Variants in XKR8 observed in about 807,000 individuals in gnomAD.
XKR8 encodes XK related 8.
In XKR8, 10 loss-of-function variants were observed where a neutral mutation model predicts 17.1. The ratio of observed to expected loss-of-function variants is 0.59; its 90% CI spans 0.36 to 0.99. The LOEUF (loss-of-function observed/expected upper bound fraction) is 0.99. Ranked by LOEUF, XKR8 falls within the 50% of genes least tolerant of loss-of-function variation. XKR8 has a pLI of 0.01. For missense variants in XKR8, 411 were observed against 515.6 expected (o/e 0.80, Z 1.96); for synonymous variants, 213 against 251.9 (o/e 0.85, Z 1.46).
In XKR8 at chr1:27,963,516, C is replaced by T. The variant is rs200757267; in HGVS notation, c.313C>T (p.Gln105Ter). Residue 105 changes from glutamine to a stop codon, truncating the protein, a stop_gained, in exon 2 of 3, where the codon CAG becomes TAG. Coordinates refer to ENST00000373884, the MANE Select transcript of XKR8 (RefSeq NM_018053.4). LOFTEE classifies it high-confidence loss of function. ...GCCTAGGTGCGTGCAGGAGCTGCGGCAGGGGCTGCTGGTGTGGCAGCAGGA... is the reference window on the plus strand; with the variant it reads ...GCCTAGGTGCGTGCAGGAGCTGCGGTAGGGGCTGCTGGTGTGGCAGCAGGA... ...YLYRCVQELR[Q>*]GLLVWQQEEP... The T allele has an allele frequency of 6.8e-6, 11 of 1,612,080 alleles. No individual in the cohort carries two copies. The African/African-American group carries it at 9.3e-5, about 14-fold the overall frequency.
At position 27,966,581 on chromosome 1, in the gene XKR8, C is replaced by T. The variant is rs1336991742; in HGVS notation, c.569C>T (p.Pro190Leu). The T allele has an allele frequency of 1.2e-6, 2 of 1,614,174 alleles. No individual in the cohort carries two copies. Among genetic ancestry groups the T allele is most frequent in the Middle Eastern group, 1.6e-4 (1 of 6,062 alleles). ...DYHRALRTCL[P>L]SKPLLGLGSS... ...CACCGGGCCTTGCGCACCTGCCTCC[C>T]CTCCAAGCCGCTCCTGGGCCTGGGC... Residue 190 changes from proline (P) to leucine (L), a missense_variant, in exon 3 of 3, where the codon CCC (proline) becomes CTC (leucine). By Grantham distance (98) the Pro-to-Leu change is moderately conservative (BLOSUM62 -3). Coordinates refer to ENST00000373884, the MANE Select transcript of XKR8 (RefSeq NM_018053.4). This position sits in a 1 kb window ranked among gnomAD's most constrained non-coding sequence, Gnocchi z 4.3.
intron 1 of XKR8, among the ~76,000 whole-genome samples, chr1:27,961,643 A>G (rs542246182): frequency 2.1e-4 from 32 of 152,314 alleles, no homozygotes; most frequent in African/African-American, 7.2e-4. Context: ...GGCTTTGGAA[A>G]TGGGTCTCTG....
chr1:27,960,008 C>G lies in XKR8; in HGVS notation c.-62C>G. ...CCCACCTCCTTCCTGCCTCGGCAAC[C>G]CCGGGCCCTGAGGGCAGGCCCCAAC... On this transcript the variant is annotated 5_prime_UTR_variant, in exon 1 of 3. Transcript: ENST00000373884. This position sits in a 1 kb window ranked among gnomAD's most constrained non-coding sequence, Gnocchi z 5.9. 7.5e-7 allele frequency: 1 copy of G among 1,342,008 alleles called. No homozygotes were observed. Among genetic ancestry groups the G allele is most frequent in the Non-Finnish European group, 9.5e-7 (1 of 1,047,684 alleles). 83.1% of individuals were successfully genotyped at this position (1,342,008 alleles called of 1,614,324 possible).
In XKR8 at chr1:27,966,419, G is replaced by A; in HGVS notation, c.491-84G>A. ...CTAATACCTACCCCAGGGTTGCTGG[G>A]AGGGCCCCCACGGTACCTGTGACCG... On this transcript the variant is annotated intron_variant, in intron 2 of 2. Coordinates refer to ENST00000373884, the MANE Select transcript of XKR8 (RefSeq NM_018053.4). This position sits in a 1 kb window ranked among gnomAD's most constrained non-coding sequence, Gnocchi z 4.3. The A allele has an allele frequency of 2.2e-6, 3 of 1,374,352 alleles. No homozygotes were observed. The highest frequency in any genetic ancestry group is 1.9e-4 in the Middle Eastern group (1 of 5,354). The allele number at this position is 1,374,352 out of a possible 1,614,324, so 85.1% of individuals were successfully genotyped here. A position where few individuals can be genotyped will look rare whatever the true frequency, so the allele number is the denominator to read the frequency against.
chr1:27,967,041 T>C lies in XKR8; in HGVS notation c.1029T>C (p.Pro343=), dbSNP rs771703559. Residue 343 remains proline, a synonymous_variant, in exon 3 of 3, where the codon CCT becomes CCC. Transcript: ENST00000373884. The surrounding 1 kb of genome is among the most constrained non-coding windows in gnomAD (Gnocchi z 4.3). ...LRLVYYHWLH[P]SCCWKPDPDQ... ...TTGTGTACTACCACTGGCTGCACCC[T>C]AGCTGCTGCTGGAAGCCCGACCCTG... 38 of 1,613,946 alleles carry C rather than the reference T, an allele frequency of 2.4e-5. No homozygotes were observed. In the Admixed American group the frequency reaches 5.0e-4, roughly 21 times the overall value.
intron 2 of XKR8, among the ~76,000 whole-genome samples, chr1:27,964,668 G>A (rs1462934543): frequency 6.6e-6 from 1 of 152,174 alleles, no homozygotes; most frequent in Non-Finnish European, 1.5e-5. Flanking sequence ...GGAAAAGGGA[G>A]AGGCAGGGAG....
rs1378118725 is a variant in XKR8, at chr1:27,966,277, A to T, written c.491-226A>T. Among the ~76,000 whole-genome samples, 1 of 152,160 alleles carries T rather than the reference A, an allele frequency of 6.6e-6. No homozygotes were observed. The highest frequency in any genetic ancestry group is 1.5e-5 in the Non-Finnish European group (1 of 68,028). Reference sequence around the variant, plus strand: ...AATACCACCCGGATAGCACCTACGCAGCAAAGCGCTGTGGTGAGGGGCAGG... The same window carrying T: ...AATACCACCCGGATAGCACCTACGCTGCAAAGCGCTGTGGTGAGGGGCAGG... On this transcript the variant is annotated intron_variant, in intron 2 of 2. Coordinates refer to ENST00000373884, the MANE Select transcript of XKR8 (RefSeq NM_018053.4). The surrounding 1 kb of genome is among the most constrained non-coding windows in gnomAD (Gnocchi z 4.3).
chr1:27,966,994 T>C lies in XKR8; in HGVS notation c.982T>C (p.Phe328Leu), dbSNP rs1638588501. 1.9e-6 allele frequency: 3 copies of C among 1,614,172 alleles called. No individual in the cohort carries two copies. The South Asian group carries it at 3.3e-5, about 18-fold the overall frequency. Reference sequence around the variant, plus strand: ...GCTGCCTGTGGGATGCGGCTGCTTCTTTCTGGGCCTGGCTCTGCGGCTTGT... The same window carrying C: ...GCTGCCTGTGGGATGCGGCTGCTTCCTTCTGGGCCTGGCTCTGCGGCTTGT... ...LWLPVGCGCFFLGLALRLVYY... is the reference protein window; with the variant it reads ...LWLPVGCGCFLLGLALRLVYY... Residue 328 changes from phenylalanine to leucine, a missense_variant, in exon 3 of 3, where the codon TTT becomes CTT. By Grantham distance (22) the Phe-to-Leu change is conservative. Transcript: ENST00000373884. The surrounding 1 kb of genome is among the most constrained non-coding windows in gnomAD (Gnocchi z 4.3).
chr1:27,960,029 C>G lies in XKR8; in HGVS notation c.-41C>G. On this transcript the variant is annotated 5_prime_UTR_variant, in exon 1 of 3. Transcript: ENST00000373884. The surrounding 1 kb of genome is among the most constrained non-coding windows in gnomAD (Gnocchi z 5.9). Reference sequence around the variant, plus strand: ...CAACCCCGGGCCCTGAGGGCAGGCCCCAACCGCGGAGGAGCAGGAGAGGGC... The same window carrying G: ...CAACCCCGGGCCCTGAGGGCAGGCCGCAACCGCGGAGGAGCAGGAGAGGGC... 2 of 1,377,504 alleles carry G rather than the reference C, an allele frequency of 1.5e-6. No homozygotes were observed. Among genetic ancestry groups the G allele is most frequent in the Non-Finnish European group, 1.9e-6 (2 of 1,070,840 alleles). The allele number at this position is 1,377,504 out of a possible 1,614,324, so 85.3% of individuals were successfully genotyped here. A position where few individuals can be genotyped will look rare whatever the true frequency, so the allele number is the denominator to read the frequency against.
intron 1 of XKR8, among the ~76,000 whole-genome samples, chr1:27,962,875 G>A (rs1435858395): frequency 2.0e-5 from 3 of 152,342 alleles, no homozygotes; most frequent in South Asian, 2.1e-4. Flanking sequence ...TTACAGGCGC[G>A]AGCCACTGCA....
At position 27,960,411 on chromosome 1, in the gene XKR8, C is replaced by T; in HGVS notation, c.293+49C>T. 2 of 1,350,022 alleles carry T rather than the reference C, an allele frequency of 1.5e-6. No homozygotes were observed. Among genetic ancestry groups the T allele is most frequent in the African/African-American group, 1.5e-5 (1 of 65,078 alleles). 83.6% of individuals were successfully genotyped at this position (1,350,022 alleles called of 1,614,324 possible). A position where few individuals can be genotyped will look rare whatever the true frequency, so the allele number is the denominator to read the frequency against. On this transcript the variant is annotated intron_variant, in intron 1 of 2. Transcript: ENST00000373884. The surrounding 1 kb of genome is among the most constrained non-coding windows in gnomAD (Gnocchi z 5.9). ...GAGGAGTGTCGGAGCCCAGCACCTC[C>T]GTCAGCTGGGTCACCTGTACAGGTG... is the stretch of plus-strand genomic sequence containing the variant.
chr1:27,964,160 C>CTTTTT (rs71027257), intron 2 of XKR8: 5 of 93,208 alleles, frequency 5.4e-5, no homozygotes, highest in African/African-American at 1.5e-4. Context: ...ATTTTTCTTT[C>CTTTTT]TTTTTTTTTT....
rs1198837514 is a variant in XKR8, at chr1:27,965,431, TTAC to T, written c.491-1070_491-1068del. Among the ~76,000 whole-genome samples the T allele has an allele frequency of 6.6e-6, 1 of 152,086 alleles. No homozygotes were observed. The highest frequency in any genetic ancestry group is 6.5e-5 in the Admixed American group (1 of 15,274). On this transcript the variant is annotated intron_variant, in intron 2 of 2. Transcript: ENST00000373884. The surrounding 1 kb of genome is among the most constrained non-coding windows in gnomAD (Gnocchi z 4.1). Reference sequence around the variant, plus strand: ...AGCCCAGAGATAAGGAAATAGATAATTACTGTGTGATGAGACTCCAGACAGAGG... The same window carrying T: ...AGCCCAGAGATAAGGAAATAGATAATTGTGTGATGAGACTCCAGACAGAGG...
In XKR8 at chr1:27,967,344, C is replaced by A; in HGVS notation, c.*144C>A. 1.1e-6 allele frequency: 1 copy of A among 938,006 alleles called. No homozygotes were observed. Among genetic ancestry groups the A allele is most frequent in the Non-Finnish European group, 1.5e-6 (1 of 653,550 alleles). The allele number at this position is 938,006 out of a possible 1,614,324, so 58.1% of individuals were successfully genotyped here. ...CAAGAGCGGGACGCCTGTGCTGGGC[C>A]GGGCACCAGGGATGGTGCTGAGTCG... On this transcript the variant is annotated 3_prime_UTR_variant, in exon 3 of 3. Transcript: ENST00000373884. The surrounding 1 kb of genome is among the most constrained non-coding windows in gnomAD (Gnocchi z 4.3).
rs1475202644 is a variant in XKR8, at chr1:27,965,133, C to T, written c.491-1370C>T. ...CCCTGTAGGTTTGTGCTATATTGAT[C>T]TTCATTTTTAAAGAGGTGCAGAAAG... On this transcript the variant is annotated intron_variant, in intron 2 of 2. Coordinates refer to ENST00000373884, the MANE Select transcript of XKR8 (RefSeq NM_018053.4). This position sits in a 1 kb window ranked among gnomAD's most constrained non-coding sequence, Gnocchi z 4.1. Among the ~76,000 whole-genome samples the T allele has an allele frequency of 6.6e-6, 1 of 152,072 alleles. No individual in the cohort carries two copies. The highest frequency in any genetic ancestry group is 1.5e-5 in the Non-Finnish European group (1 of 68,016).
In XKR8 at chr1:27,960,246, G is replaced by T. The variant is rs755011867; in HGVS notation, c.177G>T (p.Ala59=). The T allele has an allele frequency of 3.1e-5, 47 of 1,525,100 alleles. No homozygotes were observed. Among genetic ancestry groups the T allele is most frequent in the Non-Finnish European group, 2.1e-5 (24 of 1,143,128 alleles). The allele number at this position is 1,525,100 out of a possible 1,614,324, so 94.5% of individuals were successfully genotyped here. ...CGCTGCTGGGCCTGGCCTCCGTGGCGCTGCAGCTCTTCAGCTGGCTCTGGC... is the reference window on the plus strand; with the variant it reads ...CGCTGCTGGGCCTGGCCTCCGTGGCTCTGCAGCTCTTCAGCTGGCTCTGGC... ...VLALLGLASV[A]LQLFSWLWLR... The change falls in exon 1 of 3, where the codon GCG becomes GCT. Residue 59 remains alanine (A), a synonymous_variant. Coordinates refer to ENST00000373884, the MANE Select transcript of XKR8 (RefSeq NM_018053.4). This position sits in a 1 kb window ranked among gnomAD's most constrained non-coding sequence, Gnocchi z 5.9.
rs557523420 is a variant in XKR8, at chr1:27,965,368, G to T, written c.491-1135G>T. Among the ~76,000 whole-genome samples the T allele has an allele frequency of 3.3e-5, 5 of 152,258 alleles. No individual in the cohort carries two copies. The highest frequency in any genetic ancestry group is 6.5e-5 in the Admixed American group (1 of 15,302). ...TGTGCCAGGTACTGGGCTGCTGGGG[G>T]ATCCCAAGTGAGCAGAGTCTGTTTT... is the stretch of plus-strand genomic sequence containing the variant. On this transcript the variant is annotated intron_variant, in intron 2 of 2. Coordinates refer to ENST00000373884, the MANE Select transcript of XKR8 (RefSeq NM_018053.4). The surrounding 1 kb of genome is among the most constrained non-coding windows in gnomAD (Gnocchi z 4.1).
At chr1:27,962,600 A>AG (rs961652439) in intron 1 of XKR8, among the ~76,000 whole-genome samples, 23 of 151,802 alleles carry the variant, frequency 1.5e-4, no homozygotes, top group African/African-American at 4.8e-4. Flanking sequence ...GAAAAAAAAA[A>AG]AGAGAGAGAG....
In XKR8 at chr1:27,967,931, C is replaced by A. The variant is rs912827482; in HGVS notation, c.*731C>A. On this transcript the variant is annotated 3_prime_UTR_variant, in exon 3 of 3. Transcript: ENST00000373884. The surrounding 1 kb of genome is among the most constrained non-coding windows in gnomAD (Gnocchi z 4.3). ...AAGAGCCTTGTGAGCCTGGTCTGAG[C>A]CTTGCACAGCCACTGAGTATTTTTT... is the stretch of plus-strand genomic sequence containing the variant. 1 of 152,694 alleles carries A rather than the reference C, an allele frequency of 6.5e-6. No homozygotes were observed. Among genetic ancestry groups the A allele is most frequent in the Non-Finnish European group, 1.5e-5 (1 of 68,072 alleles). The allele number at this position is 152,694 out of a possible 1,614,324, so 9.5% of individuals were successfully genotyped here.
Sources: gnomAD v4.1 joint callset for allele counts (sites outside exome capture counted in the v4.1 genomes callset) on GRCh38, gnomAD v4.1.1 for gene constraint, Gnocchi (gnomAD v3.1) non-coding constraint, MANE v1.5 for transcripts, NCBI Gene and HGNC (gene_info 2026-07-23, HGNC 2026-07-21) for gene names.